Variants in IL1RAPL2 observed in about 807,000 individuals in gnomAD.
IL1RAPL2 encodes the protein X-linked interleukin-1 receptor accessory protein-like 2.
A neutral mutation model predicts 44.1 loss-of-function variants in IL1RAPL2; 3 were observed. The ratio of observed to expected loss-of-function variants is 0.07; its 90% CI spans 0.03 to 0.18. The LOEUF (loss-of-function observed/expected upper bound fraction) is 0.18. IL1RAPL2 is among the 10% of genes least tolerant of loss of function. The pLI is 1.00. For missense variants in IL1RAPL2, 391 were observed against 496.4 expected (o/e 0.79, Z 2.02); for synonymous variants, 181 against 178.8 (o/e 1.01, Z -0.10).
At chrX:105,728,511 G>GATTT (rs1279599342) in intron 7 of IL1RAPL2, among the ~76,000 whole-genome samples, 1 of 111,541 alleles carries the variant, frequency 9.0e-6, no homozygotes, top group Admixed American at 9.6e-5. Context: ...AGGCAAAGAA[G>GATTT]ATTTATTTAT....
chrX:104,899,458 AG>A (rs1923749787), intron 2 of IL1RAPL2, among the ~76,000 whole-genome samples: 1 of 111,966 alleles, frequency 8.9e-6, no homozygotes, highest in Non-Finnish European at 1.9e-5. Flanking sequence ...GTTTTAAATT[AG>A]GAATATCAAT....
chrX:105,092,805 G>A (rs751806896), intron 2 of IL1RAPL2, among the ~76,000 whole-genome samples: 1 of 111,077 alleles, frequency 9.0e-6, no homozygotes, highest in South Asian at 3.8e-4. Flanking sequence ...GCTGGCACAT[G>A]TACACCCTAG....
At chrX:104,968,786 C>G (rs1375644319) in intron 2 of IL1RAPL2, among the ~76,000 whole-genome samples, 1 of 111,081 alleles carries the variant, frequency 9.0e-6, no homozygotes, top group Non-Finnish European at 1.9e-5. Context: ...AGAAATAAAT[C>G]TAACAAATGT....
At chrX:105,374,744 C>T (rs1006910936) in intron 5 of IL1RAPL2, among the ~76,000 whole-genome samples, 1 of 109,271 alleles carries the variant, frequency 9.2e-6, no homozygotes, top group Non-Finnish European at 1.9e-5. Context: ...GTCAGGAGAT[C>T]GAGACCATCC....
At chrX:105,729,904 GGAAGGAAGGAAGGAA>G (rs1569469743) in intron 7 of IL1RAPL2, among the ~76,000 whole-genome samples, 31 of 81,558 alleles carry the variant, frequency 3.8e-4, no homozygotes, top group African/African-American at 1.5e-3. Context: ...AAGGAAGGAA[GGAAGGAAGGAAGGAA>G]GGAGGGAGGG....
At chrX:105,056,679 C>T (rs1195975623) in intron 2 of IL1RAPL2, among the ~76,000 whole-genome samples, 1 of 111,425 alleles carries the variant, frequency 9.0e-6, no homozygotes. Flanking sequence ...TCCCCTGGAC[C>T]TTTGTTTTTC....
intron 6 of IL1RAPL2, among the ~76,000 whole-genome samples, chrX:105,537,131 T>C (rs2036683339): frequency 8.9e-6 from 1 of 111,982 alleles, no homozygotes; most frequent in African/African-American, 3.2e-5. Flanking sequence ...TGAATCATAG[T>C]TAGAAGGTCT....
intron 2 of IL1RAPL2, among the ~76,000 whole-genome samples, chrX:105,135,323 A>G (rs755295523): frequency 9.0e-6 from 1 of 111,235 alleles, no homozygotes; most frequent in Non-Finnish European, 1.9e-5. Flanking sequence ...TCCCACAAAA[A>G]CTTGTAACTA....
chrX:105,442,847 C>T (rs1034173229), intron 5 of IL1RAPL2, among the ~76,000 whole-genome samples: 9 of 111,483 alleles, frequency 8.1e-5, no homozygotes, highest in East Asian at 2.9e-4. Context: ...AGGCTGAGGC[C>T]GGCAGATCAC....
At chrX:105,398,310 G>T (rs1388276847) in intron 5 of IL1RAPL2, among the ~76,000 whole-genome samples, 2 of 110,556 alleles carry the variant, frequency 1.8e-5, no homozygotes, top group Non-Finnish European at 3.8e-5. Context: ...GATTCCAAAT[G>T]CAACAGAGTA....
At chrX:104,652,853 C>T (rs1930177771) in intron 1 of IL1RAPL2, among the ~76,000 whole-genome samples, 1 of 111,369 alleles carries the variant, frequency 9.0e-6, no homozygotes, top group South Asian at 3.8e-4. Flanking sequence ...GCTTCTCTTC[C>T]TTTTTCTTCA....
chrX:104,855,174 T>C (rs1215999327), intron 2 of IL1RAPL2, among the ~76,000 whole-genome samples: 1 of 111,962 alleles, frequency 8.9e-6, no homozygotes, highest in Non-Finnish European at 1.9e-5. Context: ...GACTATATAG[T>C]AAATACCTAT....
chrX:105,594,285 A>C (rs1157070642), intron 6 of IL1RAPL2, among the ~76,000 whole-genome samples: 1 of 112,080 alleles, frequency 8.9e-6, no homozygotes, highest in Non-Finnish European at 1.9e-5. Context: ...TTTTGTTATA[A>C]AGCATAGGTT....
intron 5 of IL1RAPL2, among the ~76,000 whole-genome samples, chrX:105,442,846 C>T (rs1325080134): frequency 8.9e-6 from 1 of 111,770 alleles, no homozygotes; most frequent in Non-Finnish European, 1.9e-5. Context: ...GAGGCTGAGG[C>T]CGGCAGATCA....
chrX:104,751,454 G>C (rs945844630), intron 2 of IL1RAPL2, among the ~76,000 whole-genome samples: 3 of 111,622 alleles, frequency 2.7e-5, no homozygotes, highest in African/African-American at 9.8e-5. Flanking sequence ...TTAGAATGAG[G>C]TCATGGAAGA....
intron 5 of IL1RAPL2, among the ~76,000 whole-genome samples, chrX:105,299,663 T>C (rs1325784968): frequency 8.9e-6 from 1 of 111,827 alleles, no homozygotes; most frequent in Non-Finnish European, 1.9e-5. Flanking sequence ...TACAAATCAA[T>C]TTTTAATTTC....
chrX:105,249,090 A>G (rs111961429), intron 4 of IL1RAPL2, among the ~76,000 whole-genome samples: 8,779 of 111,258 alleles, frequency 0.079, 898 homozygotes, highest in African/African-American at 0.27. Flanking sequence ...TTTGGAAGCA[A>G]CCTAAGTGTC....
chrX:105,361,368 G>A (rs1263099234), intron 5 of IL1RAPL2, among the ~76,000 whole-genome samples: 1 of 110,910 alleles, frequency 9.0e-6, no homozygotes, highest in South Asian at 3.8e-4. Context: ...GTTTTCTGAC[G>A]GAGAATTAGT....
chrX:105,066,897 C>T (rs1032002625), intron 2 of IL1RAPL2, among the ~76,000 whole-genome samples: 4 of 111,063 alleles, frequency 3.6e-5, no homozygotes, highest in African/African-American at 1.3e-4. Flanking sequence ...GTTAATGCCC[C>T]ATCTCTTTAA....
Sources: gnomAD v4.1 joint callset for allele counts (sites outside exome capture counted in the v4.1 genomes callset) on GRCh38, gnomAD v4.1.1 for gene constraint, MANE v1.5 for transcripts, NCBI Gene and HGNC (gene_info 2026-07-23, HGNC 2026-07-21) for gene names.